Variants in MS4A4E observed in about 807,000 individuals in gnomAD.
MS4A4E encodes membrane spanning 4-domains A4E.
In MS4A4E, 23 loss-of-function variants were observed where a neutral mutation model predicts 13.3. That is an observed-to-expected ratio of 1.73 (90% confidence interval 1.25 to 2.45). MS4A4E has a LOEUF of 2.45. Among genes scored for constraint, MS4A4E ranks in the 30% most tolerant of loss-of-function variants. MS4A4E has a pLI of 0.00. For synonymous variants in MS4A4E, 36 were observed against 45.6 expected (o/e 0.79, Z 0.85); for missense variants, 144 against 131.2 (o/e 1.10, Z -0.48).
chr11:60,212,141 A>G (rs1484215026), intron 5 of MS4A4E, among the ~76,000 whole-genome samples: 2 of 152,192 alleles, frequency 1.3e-5, no homozygotes, highest in Non-Finnish European at 2.9e-5. Context: ...CAAAAAAAGT[A>G]GTAAAATTCA....
At chr11:60,228,971 A>G (rs947100168) in intron 2 of MS4A4E, among the ~76,000 whole-genome samples, 6 of 152,218 alleles carry the variant, frequency 3.9e-5, no homozygotes, top group African/African-American at 1.4e-4. Context: ...TCATATCACT[A>G]TGCCTTTGTT....
At chr11:60,237,841 A>G (rs615405) in intron 1 of MS4A4E, among the ~76,000 whole-genome samples, 138,888 of 152,114 alleles carry the variant, frequency 0.91, 63,549 homozygotes, top group Non-Finnish European at 0.94. Flanking sequence ...TTTATTTGGT[A>G]GGGGAGTGAT....
intron 1 of MS4A4E, among the ~76,000 whole-genome samples, chr11:60,239,574 T>C (rs2084524116): frequency 6.6e-6 from 1 of 152,184 alleles, no homozygotes; most frequent in South Asian, 2.1e-4. Context: ...ACTCTTCCTC[T>C]CTTTTGCAGT....
chr11:60,238,390 C>T (rs1244577257), intron 1 of MS4A4E, among the ~76,000 whole-genome samples: 1 of 151,784 alleles, frequency 6.6e-6, no homozygotes, highest in Non-Finnish European at 1.5e-5. Context: ...TGTATTTCTT[C>T]TTCAGTCAGT....
chr11:60,211,541 G>A (rs1409637835), intron 5 of MS4A4E, among the ~76,000 whole-genome samples: 1 of 152,134 alleles, frequency 6.6e-6, no homozygotes, highest in African/African-American at 2.4e-5. Flanking sequence ...AAGCAGCAAG[G>A]CGAAAGGCTG....
intron 8 of MS4A4E, among the ~76,000 whole-genome samples, chr11:60,202,521 T>C (rs1378468837): frequency 6.6e-6 from 1 of 152,210 alleles, no homozygotes; most frequent in Non-Finnish European, 1.5e-5. Context: ...CTACTATGTT[T>C]CTTCTGTCCT....
chr11:60,214,394 TG>T (rs1476183418), intron 4 of MS4A4E, among the ~76,000 whole-genome samples, 176 bp downstream of exon 4: 1 of 152,230 alleles, frequency 6.6e-6, no homozygotes, highest in Non-Finnish European at 1.5e-5. Context: ...TCCATTATTA[TG>T]TCAGTAATTC....
intron 5 of MS4A4E, among the ~76,000 whole-genome samples, chr11:60,210,202 A>G (rs2084101892): frequency 6.6e-6 from 1 of 152,266 alleles, no homozygotes; most frequent in Non-Finnish European, 1.5e-5. Context: ...CTTTATTTAC[A>G]AAAACAAATA....
chr11:60,228,645 T>C lies in MS4A4E; in HGVS notation c.145-18A>G, dbSNP rs148964104. ...CACAAAACCTGCACACAGATATTTA[T>C]AGCAACGTTACTCCTAATTGCCAAA... On this transcript the variant is annotated intron_variant, in intron 2 of 8. Coordinates refer to ENST00000651255, the MANE Select transcript of MS4A4E (RefSeq NM_001393391.1). 55 of 696,512 alleles carry C rather than the reference T, an allele frequency of 7.9e-5. No individual in the cohort carries two copies. The highest frequency in any genetic ancestry group is 1.2e-4 in the Non-Finnish European group (47 of 382,276). 43.1% of individuals were successfully genotyped at this position (696,512 alleles called of 1,614,324 possible).
intron 3 of MS4A4E, among the ~76,000 whole-genome samples, chr11:60,217,281 G>A (rs2084208687): frequency 6.6e-6 from 1 of 152,178 alleles, no homozygotes; most frequent in Admixed American, 6.5e-5. Context: ...TGCATGCATA[G>A]ACTCACCAGG....
At chr11:60,225,552 A>C (rs530721956) in intron 3 of MS4A4E, among the ~76,000 whole-genome samples, 77 of 152,356 alleles carry the variant, frequency 5.1e-4, no homozygotes, top group Non-Finnish European at 8.5e-4. Flanking sequence ...AACATGAGTA[A>C]ACAGCGTTCT....
chr11:60,238,417 T>C (rs2084510448), intron 1 of MS4A4E, among the ~76,000 whole-genome samples: 2 of 152,050 alleles, frequency 1.3e-5, no homozygotes, highest in Non-Finnish European at 2.9e-5. Flanking sequence ...AGTATCTTCA[T>C]AAAAATTTGA....
At chr11:60,241,148 A>C (rs973747953) in intron 1 of MS4A4E, among the ~76,000 whole-genome samples, 1 of 152,040 alleles carries the variant, frequency 6.6e-6, no homozygotes, top group Non-Finnish European at 1.5e-5. Context: ...CTCAGCCTCC[A>C]GAGTAGCTGG....
chr11:60,216,041 A>G (rs997974854), intron 3 of MS4A4E, among the ~76,000 whole-genome samples: 2 of 152,172 alleles, frequency 1.3e-5, no homozygotes, highest in African/African-American at 4.8e-5. Flanking sequence ...CAAGGATAAT[A>G]CAAACTTACA....
chr11:60,210,691 T>G (rs917663788), intron 5 of MS4A4E, among the ~76,000 whole-genome samples: 1 of 152,124 alleles, frequency 6.6e-6, no homozygotes, highest in Non-Finnish European at 1.5e-5. Flanking sequence ...CTCTTTCTTA[T>G]GTCTACCAGG....
intron 3 of MS4A4E, among the ~76,000 whole-genome samples, chr11:60,220,915 G>A (rs373641281): frequency 2.6e-5 from 4 of 152,280 alleles, no homozygotes; most frequent in South Asian, 4.1e-4. Context: ...TGGGGTCCAG[G>A]ACAGGAGAAG....
chr11:60,232,303 A>T (rs1468562654), intron 1 of MS4A4E, among the ~76,000 whole-genome samples: 1 of 150,006 alleles, frequency 6.7e-6, no homozygotes, highest in African/African-American at 2.5e-5. Flanking sequence ...ACACACACAC[A>T]CACACACACA....
At chr11:60,215,720 A>C (rs2084184101) in intron 3 of MS4A4E, among the ~76,000 whole-genome samples, 1 of 152,026 alleles carries the variant, frequency 6.6e-6, no homozygotes, top group Non-Finnish European at 1.5e-5. Context: ...ATAATTATAT[A>C]AGAAAAATAG....
In MS4A4E at chr11:60,200,435, C is replaced by T. The variant is rs924047351; in HGVS notation, c.*1108G>A. The stretch of plus-strand genomic sequence containing the variant: ...TGGTTTTCCTAGGCAGAGGACCCTG[C>T]GGCCTTCCGAGGTGTTTGTGTCCCT... On this transcript the variant is annotated 3_prime_UTR_variant, in exon 9 of 9. Coordinates refer to ENST00000651255, the MANE Select transcript of MS4A4E (RefSeq NM_001393391.1). Among the ~76,000 whole-genome samples the T allele has an allele frequency of 4.6e-5, 7 of 152,048 alleles. No homozygotes were observed. Among genetic ancestry groups the T allele is most frequent in the African/African-American group, 1.4e-4 (6 of 41,406 alleles).
Sources: gnomAD v4.1 joint callset for allele counts (sites outside exome capture counted in the v4.1 genomes callset) on GRCh38, gnomAD v4.1.1 for gene constraint, MANE v1.5 for transcripts, NCBI Gene and HGNC (gene_info 2026-07-23, HGNC 2026-07-21) for gene names.